RPS6KA2: variants seen among roughly 807,000 people sequenced by gnomAD.
RPS6KA2 encodes the protein ribosomal protein S6 kinase A2, also known as ribosomal protein S6 kinase alpha-2.
RPS6KA2 carries 42 observed loss-of-function variants against 91.8 expected under a neutral mutation model. The observed-to-expected ratio is 0.46, with a 90% CI of 0.36 to 0.59. The LOEUF is 0.59. RPS6KA2 is among the 20% of genes least tolerant of loss of function. The pLI, the probability that RPS6KA2 is intolerant of heterozygous loss-of-function variation, is 0.00. For synonymous variants in RPS6KA2, 414 were observed against 393.6 expected, an observed-to-expected ratio of 1.05 and a Z score of -0.61; for missense variants, 798 against 978.5, an observed-to-expected ratio of 0.82 and a Z score of 2.46.
At chr6:166,752,887 C>T (rs996648666) in intron 2 of RPS6KA2, among the ~76,000 whole-genome samples, 4 of 151,830 alleles carry the variant, frequency 2.6e-5, no homozygotes, top group Middle Eastern at 3.2e-3. Context: ...CTGTGTTAAG[C>T]CTTGTATACT....
chr6:166,791,456 C>T (rs148917068), intron 2 of RPS6KA2, among the ~76,000 whole-genome samples: 11 of 152,144 alleles, frequency 7.2e-5, no homozygotes, highest in Admixed American at 4.6e-4. Flanking sequence ...GACAAGTCAA[C>T]GAGACAGAAA....
intron 2 of RPS6KA2, among the ~76,000 whole-genome samples, chr6:166,683,678 G>A (rs376072097): frequency 6.6e-6 from 1 of 152,194 alleles, no homozygotes; most frequent in Non-Finnish European, 1.5e-5. Flanking sequence ...CTAGGTAGGC[G>A]CAAATATGTC....
chr6:166,783,483 C>T (rs1474245000), intron 2 of RPS6KA2, among the ~76,000 whole-genome samples: 1 of 152,056 alleles, frequency 6.6e-6, no homozygotes, highest in East Asian at 1.9e-4. Flanking sequence ...GAGCCAATTC[C>T]TTAACAAAAG....
chr6:166,847,694 A>G (rs185049066), intron 2 of RPS6KA2, among the ~76,000 whole-genome samples: 1 of 152,350 alleles, frequency 6.6e-6, no homozygotes, highest in East Asian at 1.9e-4. Flanking sequence ...TACTGGGATA[A>G]CTGCCTACCC....
chr6:166,792,403 A>G (rs1434538853), intron 2 of RPS6KA2, among the ~76,000 whole-genome samples: 4 of 152,178 alleles, frequency 2.6e-5, no homozygotes, highest in African/African-American at 2.4e-5. Context: ...AGATGGATTC[A>G]CAGCCGAATT....
At chr6:166,775,756 A>G (rs1778599774) in intron 2 of RPS6KA2, among the ~76,000 whole-genome samples, 1 of 152,236 alleles carries the variant, frequency 6.6e-6, no homozygotes. Flanking sequence ...GCGCGGTGGA[A>G]ACACACACAG....
chr6:166,490,552 A>T lies in RPS6KA2; in HGVS notation c.818+119T>A. The T allele has an allele frequency of 1.4e-6, 1 of 735,362 alleles. No homozygotes were observed. The highest frequency in any genetic ancestry group is 2.4e-6 in the Non-Finnish European group (1 of 422,486). 45.6% of individuals were successfully genotyped at this position (735,362 alleles called of 1,614,324 possible). ...TGACTTTTAGAAAACAGCTTACAAT[A>T]CTTTGGCACTGTAAGCCTAGCAATG... On this transcript the variant is annotated intron_variant, in intron 9 of 20. Coordinates refer to ENST00000265678, the MANE Select transcript of RPS6KA2 (RefSeq NM_021135.6). The surrounding 1 kb of genome is among the most constrained non-coding windows in gnomAD (Gnocchi z 4.2).
In RPS6KA2 at chr6:166,563,932, G is replaced by C. The variant is rs1784417731; in HGVS notation, c.100-25148C>G. On this transcript the variant is annotated intron_variant, in intron 1 of 20. Coordinates refer to ENST00000265678, the MANE Select transcript of RPS6KA2 (RefSeq NM_021135.6). This position sits in a 1 kb window ranked among gnomAD's most constrained non-coding sequence, Gnocchi z 4.1. Reference sequence around the variant, plus strand: ...CAGCTGGACGTGGCAGGAAAGAGGAGACGATTACTCCGTGTCTCAGCATGA... The same window carrying C: ...CAGCTGGACGTGGCAGGAAAGAGGACACGATTACTCCGTGTCTCAGCATGA... Among the ~76,000 whole-genome samples, 1 of 152,200 alleles carries C rather than the reference G, an allele frequency of 6.6e-6. No homozygotes were observed. Among genetic ancestry groups the C allele is most frequent in the Non-Finnish European group, 1.5e-5 (1 of 68,034 alleles).
At chr6:166,833,959 C>T (rs947964645) in intron 2 of RPS6KA2, among the ~76,000 whole-genome samples, 1 of 151,694 alleles carries the variant, frequency 6.6e-6, no homozygotes, top group African/African-American at 2.4e-5. Flanking sequence ...GTCTCAAACT[C>T]CTGGCCTCAA....
chr6:166,720,971 G>A (rs1790154157), intron 2 of RPS6KA2, among the ~76,000 whole-genome samples: 1 of 152,198 alleles, frequency 6.6e-6, no homozygotes, highest in African/African-American at 2.4e-5. Flanking sequence ...ACTAAAGGGT[G>A]ATTTCACAGT....
chr6:166,828,372 C>T (rs888526980), intron 2 of RPS6KA2, among the ~76,000 whole-genome samples: 3 of 152,258 alleles, frequency 2.0e-5, no homozygotes, highest in Non-Finnish European at 4.4e-5. Flanking sequence ...TCAGGCAAGA[C>T]TGCCACGCCA....
chr6:166,635,344 G>T lies in RPS6KA2; in HGVS notation c.124-96560C>A, dbSNP rs1442209060. On this transcript the variant is annotated intron_variant, in intron 2 of 21. Coordinates refer to the RPS6KA2 transcript ENST00000503859. This position sits in a 1 kb window ranked among gnomAD's most constrained non-coding sequence, Gnocchi z 4.8. ...GCCCTGACGGGCACTGCAGTCTCTG[G>T]GGTAGCACAGACAAGCCAGGGTGCG... Among the ~76,000 whole-genome samples the T allele has an allele frequency of 6.6e-6, 1 of 152,208 alleles. No individual in the cohort carries two copies. The highest frequency in any genetic ancestry group is 2.4e-5 in the African/African-American group (1 of 41,456).
At chr6:166,631,531 A>G (rs1399429068), upstream of RPS6KA2, among the ~76,000 whole-genome samples, 1 of 152,226 alleles carries the variant, frequency 6.6e-6, no homozygotes, top group African/African-American at 2.4e-5. Flanking sequence ...ATTGGTTTTT[A>G]AATACTATGT....
Position 166,459,781 on chromosome 6 carries a change from A to G in RPS6KA2, c.973-230T>C, listed in dbSNP as rs554853956. On this transcript the variant is annotated intron_variant, in intron 11 of 20. Coordinates refer to ENST00000265678, the MANE Select transcript of RPS6KA2 (RefSeq NM_021135.6). The surrounding 1 kb of genome is among the most constrained non-coding windows in gnomAD (Gnocchi z 4.9). Reference sequence around the variant, plus strand: ...CATATATAATAACGATGTATTATAGAAAGGTATAGAAAAGGCATAGTTTGA... The same window carrying G: ...CATATATAATAACGATGTATTATAGGAAGGTATAGAAAAGGCATAGTTTGA... 1.3e-5 allele frequency among the ~76,000 whole-genome samples: 2 copies of G among 152,386 alleles called. No individual in the cohort carries two copies. Among genetic ancestry groups the G allele is most frequent in the African/African-American group, 4.8e-5 (2 of 41,594 alleles).
intron 3 of RPS6KA2, among the ~76,000 whole-genome samples, chr6:166,516,321 G>A (rs905204210): frequency 1.4e-4 from 21 of 152,334 alleles, no homozygotes; most frequent in African/African-American, 4.6e-4. Flanking sequence ...CCCAAAGGAA[G>A]AAAGGACACA....
chr6:166,631,807 T>C (rs9356498), upstream of RPS6KA2, among the ~76,000 whole-genome samples: 18,726 of 152,106 alleles, frequency 0.12, 1,389 homozygotes, highest in Non-Finnish European at 0.17. Flanking sequence ...AGAGCAGTCA[T>C]AGACACAGCG....
intron 2 of RPS6KA2, among the ~76,000 whole-genome samples, chr6:166,644,503 AT>A (rs978840945): frequency 6.6e-6 from 1 of 152,052 alleles, no homozygotes; most frequent in African/African-American, 2.4e-5. Flanking sequence ...TCCTATCATC[AT>A]TTTCCAGGAG....
At chr6:166,582,208 T>C (rs1417428054) in intron 1 of RPS6KA2, among the ~76,000 whole-genome samples, 1 of 145,436 alleles carries the variant, frequency 6.9e-6, no homozygotes, top group Non-Finnish European at 1.5e-5. Flanking sequence ...GAGATGCCCA[T>C]GGGCAGGTGG....
chr6:166,769,323 C>T (rs918853281), intron 2 of RPS6KA2, among the ~76,000 whole-genome samples: 6 of 152,330 alleles, frequency 3.9e-5, no homozygotes, highest in East Asian at 1.9e-4. Flanking sequence ...CGTCAAGTTT[C>T]GCTAAGAATC....
Sources: allele counts gnomAD v4.1 joint callset (sites outside exome capture counted in the v4.1 genomes callset), GRCh38; gene constraint gnomAD v4.1.1; non-coding constraint Gnocchi (gnomAD v3.1); transcripts MANE v1.5; gene names NCBI Gene and HGNC (gene_info 2026-07-23, HGNC 2026-07-21).